The following DCLK2 variants were observed in gnomAD, a reference collection of about 807,000 sequenced individuals.
DCLK2 encodes the protein serine/threonine-protein kinase DCLK2.
DCLK2 carries 31 observed loss-of-function variants against 78.4 expected under a neutral mutation model. The ratio of observed to expected loss-of-function variants is 0.40; its 90% confidence interval spans 0.30 to 0.53. The LOEUF is 0.53. Ranked by LOEUF, DCLK2 falls within the 20% of genes least tolerant of loss-of-function variation. DCLK2 has a pLI of 0.61. For missense variants in DCLK2, 872 were observed against 973.7 expected, an observed-to-expected ratio of 0.90 and a Z score of 1.39; for synonymous variants, 407 against 374.9, an observed-to-expected ratio of 1.09 and a Z score of -0.99.
intron 4 of DCLK2, among the ~76,000 whole-genome samples, chr4:150,200,603 A>G (rs1739380525): frequency 6.6e-6 from 1 of 152,200 alleles, no homozygotes; most frequent in Non-Finnish European, 1.5e-5. Context: ...TACTTTAGCT[A>G]TGGTGTATTT....
intron 2 of DCLK2, among the ~76,000 whole-genome samples, chr4:150,172,638 T>C (rs1736628173): frequency 7.1e-6 from 1 of 140,234 alleles, no homozygotes; most frequent in Non-Finnish European, 1.5e-5. Context: ...AAGAAATCCA[T>C]AGATCATGGA....
intron 8 of DCLK2, among the ~76,000 whole-genome samples, chr4:150,226,927 C>T (rs1347227208): frequency 2.0e-5 from 3 of 152,040 alleles, no homozygotes; most frequent in African/African-American, 7.2e-5. Flanking sequence ...GGAGTGTTGG[C>T]CACCTCTGCT....
intron 2 of DCLK2, among the ~76,000 whole-genome samples, chr4:150,154,753 A>T (rs543275752): frequency 6.6e-6 from 1 of 152,188 alleles, no homozygotes; most frequent in Admixed American, 6.5e-5. Flanking sequence ...TATTTTTTAA[A>T]AATTTTACCT....
intron 2 of DCLK2, among the ~76,000 whole-genome samples, chr4:150,192,639 G>A (rs1180451321): frequency 6.6e-6 from 1 of 152,124 alleles, no homozygotes; most frequent in African/African-American, 2.4e-5. Context: ...AACACATTGA[G>A]CACTCATGTG....
At position 150,257,430 on chromosome 4, in the gene DCLK2, T is replaced by A. The variant is rs1744645926; in HGVS notation, c.*1183T>A. The A allele has an allele frequency of 6.6e-6, 1 of 152,584 alleles. No individual in the cohort carries two copies. The highest frequency in any genetic ancestry group is 1.5e-5 in the Non-Finnish European group (1 of 68,038). The allele number at this position is 152,584 out of a possible 1,614,324, so 9.5% of individuals were successfully genotyped here. A position where few individuals can be genotyped will look rare whatever the true frequency, so the allele number is the denominator to read the frequency against. The stretch of plus-strand genomic sequence containing the variant: ...CAACCTGCAATAAACTTTTCCCTCT[T>A]GAAAAAAAGTAATCAGGGATGGGCA... On this transcript the variant is annotated 3_prime_UTR_variant, in exon 16 of 16. Transcript: ENST00000296550.
chr4:150,183,663 A>G (rs1028407549), intron 2 of DCLK2, among the ~76,000 whole-genome samples: 2 of 152,136 alleles, frequency 1.3e-5, no homozygotes, highest in Non-Finnish European at 2.9e-5. Context: ...AGAGTATGAG[A>G]TGGACCCTCT....
chr4:150,078,917 C>T lies in DCLK2; in HGVS notation c.-111C>T, dbSNP rs975789584. ...GCGCGGAGAGGGCGGGATGCCAGAG[C>T]CAGGTGTCCCGGCGCGTTAAGGGCC... On this transcript the variant is annotated 5_prime_UTR_variant, in exon 1 of 16. Coordinates refer to ENST00000296550, the MANE Select transcript of DCLK2 (RefSeq NM_001040260.4). The T allele has an allele frequency of 3.0e-6, 4 of 1,335,400 alleles. No homozygotes were observed. The highest frequency in any genetic ancestry group is 3.9e-6 in the Non-Finnish European group (4 of 1,017,422). The allele number at this position is 1,335,400 out of a possible 1,614,324, so 82.7% of individuals were successfully genotyped here.
intron 2 of DCLK2, among the ~76,000 whole-genome samples, chr4:150,184,726 C>A (rs532286707): frequency 2.0e-5 from 3 of 151,814 alleles, no homozygotes; most frequent in African/African-American, 7.3e-5. Flanking sequence ...CTTAGCCTCC[C>A]GAGTAGCTGG....
At chr4:150,188,140 G>C (rs1278195960) in intron 2 of DCLK2, among the ~76,000 whole-genome samples, 1 of 152,060 alleles carries the variant, frequency 6.6e-6, no homozygotes, top group Non-Finnish European at 1.5e-5. Flanking sequence ...TCATTTCTTT[G>C]CCAGTAGCAG....
chr4:150,240,656 G>A (rs983674376), intron 12 of DCLK2, among the ~76,000 whole-genome samples, 180 bp downstream of exon 12: 8 of 149,628 alleles, frequency 5.3e-5, no homozygotes, highest in African/African-American at 1.5e-4. Context: ...GCTAGATGAC[G>A]AGTTAGTGGG....
chr4:150,102,824 C>T lies in DCLK2; in HGVS notation c.756+12C>T. On this transcript the variant is annotated intron_variant, in intron 2 of 15. Transcript: ENST00000296550. ...TGGATGGAAAGCAGGTAAGATGCTT[C>T]TAGCTCCCAGCTCTCCATCTGACTT... is the stretch of plus-strand genomic sequence containing the variant. 3 of 1,583,396 alleles carry T rather than the reference C, an allele frequency of 1.9e-6. No homozygotes were observed. The highest frequency in any genetic ancestry group is 1.8e-5 in the Admixed American group (1 of 55,794).
intron 12 of DCLK2, among the ~76,000 whole-genome samples, chr4:150,246,452 C>G (rs757306770): frequency 5.3e-5 from 8 of 152,186 alleles, no homozygotes; most frequent in Non-Finnish European, 8.8e-5. Context: ...CTCAGGACAC[C>G]ACGCTTGCCC....
At chr4:150,225,677 G>A (rs1315677303) in intron 8 of DCLK2, among the ~76,000 whole-genome samples, 1 of 152,178 alleles carries the variant, frequency 6.6e-6, no homozygotes, top group Non-Finnish European at 1.5e-5. Context: ...CTTTGTATAT[G>A]ATCACATGTT....
intron 1 of DCLK2, among the ~76,000 whole-genome samples, chr4:150,081,860 T>G (rs1318664332): frequency 7.4e-5 from 11 of 148,858 alleles, no homozygotes; most frequent in African/African-American, 2.2e-4. Context: ...TAGCCGGGTG[T>G]GGCGGCAGGC....
At chr4:150,162,056 G>A (rs930150681) in intron 2 of DCLK2, among the ~76,000 whole-genome samples, 1 of 152,072 alleles carries the variant, frequency 6.6e-6, no homozygotes, top group Non-Finnish European at 1.5e-5. Context: ...TTTGAAACAG[G>A]GTCTTGCCCT....
chr4:150,098,300 T>G (rs1311741672), intron 1 of DCLK2, among the ~76,000 whole-genome samples: 1 of 152,184 alleles, frequency 6.6e-6, no homozygotes, highest in Non-Finnish European at 1.5e-5. Flanking sequence ...TGACCTTGTT[T>G]TTGTGTCACT....
Position 150,106,291 on chromosome 4 carries a change from CTGCA to C in DCLK2, c.756+3480_756+3483del, listed in dbSNP as rs551134975. ...TATAAGTATAAAGATACTATGACAT[CTGCA>C]AACCTTTAAATGAGCAGTGCTCATT... On this transcript the variant is annotated intron_variant, in intron 2 of 15. Transcript: ENST00000296550. 1.4e-3 allele frequency among the ~76,000 whole-genome samples: 211 copies of C among 152,284 alleles called. 2 individuals carry two copies. The highest frequency in any genetic ancestry group is 4.9e-3 in the African/African-American group (202 of 41,564).
chr4:150,082,156 TA>T (rs1729346156), intron 1 of DCLK2, among the ~76,000 whole-genome samples: 1 of 152,182 alleles, frequency 6.6e-6, no homozygotes, highest in African/African-American at 2.4e-5. Context: ...TTATTTGCAT[TA>T]GTAAAAATAA....
At chr4:150,253,069 T>TGTCCTCCTC (rs1373676776) in intron 15 of DCLK2, among the ~76,000 whole-genome samples, 1 of 151,126 alleles carries the variant, frequency 6.6e-6, no homozygotes, top group Admixed American at 6.6e-5. Context: ...GCTGCTGTAT[T>TGTCCTCCTC]GTCCTCCTCG....
Sources: gnomAD v4.1 joint callset for allele counts (sites outside exome capture counted in the v4.1 genomes callset) on GRCh38, gnomAD v4.1.1 for gene constraint, MANE v1.5 for transcripts, NCBI Gene and HGNC (gene_info 2026-07-23, HGNC 2026-07-21) for gene names.